Variants in PPL observed in about 807,000 individuals in gnomAD.
The protein encoded by PPL is periplakin.
PPL carries 198 observed loss-of-function variants against 194.4 expected under a neutral mutation model. That is an observed-to-expected ratio of 1.02 (90% CI 0.91 to 1.15). The LOEUF (loss-of-function observed/expected upper bound fraction) is 1.15, where lower values mean the gene tolerates loss of function less well. Among genes scored for constraint, PPL ranks in the 50% most tolerant of loss-of-function variants. The pLI, the probability that PPL is intolerant of heterozygous loss-of-function variation, is 0.00. For synonymous variants in PPL, 1,220 were observed against 972.4 expected (o/e 1.25, Z -4.74); for missense variants, 2,885 against 2,294.8 (o/e 1.26, Z -5.25).
rs2088156606 is a variant in PPL at position 4,883,972 on chromosome 16, C to G, written c.4683G>C (p.Leu1561=). The G allele has an allele frequency of 1.9e-6, 3 of 1,614,142 alleles. No individual in the cohort carries two copies. The highest frequency in any genetic ancestry group is 2.7e-5 in the African/African-American group (2 of 75,062). The part of the protein sequence containing the change: ...NSKSSKELDF[L]REENHKLQLE... ...GCTGTAATTTGTGGTTCTCTTCCCT[C>G]AGAAAGTCTAGTTCCTTGGATGACT... Residue 1561 remains leucine (L), a synonymous_variant, in exon 22 of 22, where the codon CTG becomes CTC. Transcript: ENST00000345988. This position sits in a 1 kb window ranked among gnomAD's most constrained non-coding sequence, Gnocchi z 4.8.
rs778808149 is a variant in PPL, at chr16:4,910,842, G to A, written c.162+8C>T. On this transcript the variant is annotated splice_region_variant and intron_variant, in intron 2 of 21. Coordinates refer to ENST00000345988, the MANE Select transcript of PPL (RefSeq NM_002705.5). ...CACCCAGGTGGGAGTGGGAGTGGGGGCACTCACACTCTGCATCTTGGCCTC... is the reference window on the plus strand; with the variant it reads ...CACCCAGGTGGGAGTGGGAGTGGGGACACTCACACTCTGCATCTTGGCCTC... 15 of 1,608,826 alleles carry A rather than the reference G, an allele frequency of 9.3e-6. No individual in the cohort carries two copies. The Middle Eastern group carries it at 4.9e-4, about 53-fold the overall frequency.
chr16:4,926,967 C>T (rs1422785646), intron 1 of PPL, among the ~76,000 whole-genome samples: 3 of 151,202 alleles, frequency 2.0e-5, no homozygotes, highest in Non-Finnish European at 4.4e-5. Context: ...CCATTTAGGC[C>T]TTATAATCTA....
In PPL at chr16:4,882,662, G is replaced by A. The variant is rs1252935628; in HGVS notation, c.*722C>T. 3 of 152,268 alleles carry A rather than the reference G, an allele frequency of 2.0e-5. No homozygotes were observed. The highest frequency in any genetic ancestry group is 4.4e-5 in the Non-Finnish European group (3 of 68,072). 9.4% of individuals were successfully genotyped at this position (152,268 alleles called of 1,614,324 possible). On this transcript the variant is annotated 3_prime_UTR_variant, in exon 22 of 22. Transcript: ENST00000345988. ...GTTTTGTATACCTAAATACCAGTGA[G>A]ATAATAAGCGAGACTTGTAAAGCAC...
intron 1 of PPL, among the ~76,000 whole-genome samples, chr16:4,917,805 G>C (rs1023362345): frequency 6.6e-6 from 1 of 152,102 alleles, no homozygotes; most frequent in African/African-American, 2.4e-5. Flanking sequence ...GGGAGGCTGA[G>C]GTAGGAGGAT....
Position 4,893,317 on chromosome 16 carries a change from T to G in PPL, c.1546A>C (p.Ser516Arg). Residue 516 changes from serine to arginine, a missense_variant, in exon 14 of 22, where the codon AGC becomes CGC. Ser to Arg is a moderately radical substitution (Grantham distance 110). Transcript: ENST00000345988. ...GCCTTCTCCTGCCGGTCCAGGTCGC[T>G]GGCCACCTTGTCCAAGCCAGCCAGC... ...QLLAGLDKVA[S>R]DLDRQEKAIT... 1 of 1,608,346 alleles carries G rather than the reference T, an allele frequency of 6.2e-7. No individual in the cohort carries two copies. The highest frequency in any genetic ancestry group is 1.1e-5 in the South Asian group (1 of 90,778).
At chr16:4,889,439 AGTAGAGATTTGGTTTCATTAT>A (rs2088280955) in intron 18 of PPL, among the ~76,000 whole-genome samples, 1 of 150,274 alleles carries the variant, frequency 6.7e-6, no homozygotes, top group Non-Finnish European at 1.5e-5. Context: ...TTGTATTTTT[AGTAGAGATTTGGTTTCATTAT>A]GTTGGCCAGG....
rs770316631 is a variant in PPL, at chr16:4,899,285, G to A, written c.706C>T (p.Arg236Cys). ...LYWLDQQAKG[R>C]MQYDWSDRNL... ...CGGTCACTCCAGTCGTACTGCATGC[G>A]GCCCTTGGCCTGCTGGTCCAGCCAG... Residue 236 changes from arginine to cysteine, a missense_variant, in exon 7 of 22, where the codon CGC becomes TGC. Physicochemically the swap from Arg to Cys is radical, Grantham distance 180. Coordinates refer to ENST00000345988, the MANE Select transcript of PPL (RefSeq NM_002705.5). 5.6e-6 allele frequency: 9 copies of A among 1,613,658 alleles called. No individual in the cohort carries two copies. The highest frequency in any genetic ancestry group is 1.3e-5 in the African/African-American group (1 of 74,922).
intron 18 of PPL, among the ~76,000 whole-genome samples, chr16:4,889,856 A>G (rs2088286596): frequency 1.3e-5 from 2 of 152,206 alleles, no homozygotes; most frequent in Admixed American, 1.3e-4. Context: ...GGGAGGCAGG[A>G]GTCCCAACTT....
rs188737309 is a variant in PPL at position 4,901,381 on chromosome 16, G to A, written c.439-292C>T. On this transcript the variant is annotated intron_variant, in intron 4 of 21. Transcript: ENST00000345988. ...AATGAGGGCCAGTCACCTGCCCAGG[G>A]TCACGCCAGTAACATTGGGAAAGCT... Among the ~76,000 whole-genome samples the A allele has an allele frequency of 2.9e-3, 444 of 152,274 alleles. 2 individuals carry two copies. The highest frequency in any genetic ancestry group is 0.01 in the African/African-American group (418 of 41,564).
chr16:4,885,638 T>A lies in PPL; in HGVS notation c.3017A>T (p.Gln1006Leu), dbSNP rs2088203554. 1.9e-6 allele frequency: 3 copies of A among 1,613,044 alleles called. No homozygotes were observed. Among genetic ancestry groups the A allele is most frequent in the Non-Finnish European group, 2.5e-6 (3 of 1,179,732 alleles). The change falls in exon 22 of 22, where the codon CAG becomes CTG. Residue 1006 changes from glutamine (Q) to leucine (L), a missense_variant. Transcript: ENST00000345988. This position sits in a 1 kb window ranked among gnomAD's most constrained non-coding sequence, Gnocchi z 6.3. ...EVLRIEPDRA[Q>L]ADEVLQLREE... is the part of the protein sequence containing the mutation. ...CCGCAGCTGCAAGACCTCATCCGCC[T>A]GGGCCCTGTCAGGCTCGATGCGCAG... is the stretch of plus-strand genomic sequence containing the variant.
chr16:4,885,780 C>A lies in PPL; in HGVS notation c.2875G>T (p.Glu959Ter). Reference sequence around the variant, plus strand: ...AGCAGCTGGTTCTTGTGCTGCTCCTCTGCCAGCGTCCGCTGCAGCTGCTGG... The same window carrying A: ...AGCAGCTGGTTCTTGTGCTGCTCCTATGCCAGCGTCCGCTGCAGCTGCTGG... ...SFQQLQRTLA[E>*]EQHKNQLLQE... Residue 959 changes from glutamate to a stop codon, truncating the protein, a stop_gained, in exon 22 of 22, where the codon GAG becomes TAG. Transcript: ENST00000345988. LOFTEE classifies it high-confidence loss of function. This position sits in a 1 kb window ranked among gnomAD's most constrained non-coding sequence, Gnocchi z 6.3. The A allele has an allele frequency of 6.2e-7, 1 of 1,610,782 alleles. No individual in the cohort carries two copies.
intron 9 of PPL, among the ~76,000 whole-genome samples, chr16:4,896,522 G>A (rs975593010): frequency 2.0e-5 from 3 of 152,022 alleles, no homozygotes; most frequent in South Asian, 2.1e-4. Flanking sequence ...CTTCATATTC[G>A]TTCTAGGTGT....
At chr16:4,929,935 G>C (rs754753434) in intron 1 of PPL, among the ~76,000 whole-genome samples, 4 of 150,764 alleles carry the variant, frequency 2.7e-5, no homozygotes, top group Non-Finnish European at 4.4e-5. Flanking sequence ...TCATCCTCCC[G>C]CCTTGGCCTC....
At chr16:4,894,780 T>G (rs183731960) in intron 11 of PPL, among the ~76,000 whole-genome samples, 162 bp from the exon 12 acceptor site, 1 of 152,240 alleles carries the variant, frequency 6.6e-6, no homozygotes, top group Non-Finnish European at 1.5e-5. Context: ...GCACATGTGT[T>G]GAGGCTGCCG....
intron 8 of PPL, among the ~76,000 whole-genome samples, chr16:4,898,297 G>C (rs1388542784): frequency 6.6e-6 from 1 of 152,192 alleles, no homozygotes; most frequent in Non-Finnish European, 1.5e-5. Context: ...AGAATTGCTT[G>C]AACCCGGGAG....
intron 6 of PPL, among the ~76,000 whole-genome samples, chr16:4,899,607 A>C (rs7193783): frequency 0.61 from 92,558 of 152,004 alleles, 28,526 homozygotes; most frequent in East Asian, 0.67. Context: ...TCATTCAGTA[A>C]ATGTTTACTG....
intron 18 of PPL, among the ~76,000 whole-genome samples, chr16:4,889,415 C>A (rs1241293338): frequency 6.8e-6 from 1 of 146,448 alleles, no homozygotes; most frequent in Non-Finnish European, 1.5e-5. Flanking sequence ...CCACCATACC[C>A]AGCTAATTTT....
intron 1 of PPL, among the ~76,000 whole-genome samples, chr16:4,923,010 G>A (rs952387071): frequency 2.6e-5 from 4 of 152,186 alleles, no homozygotes; most frequent in Admixed American, 6.5e-5. Context: ...CGCACAGCCC[G>A]CTTCAGCTGT....
rs779178091 is a variant in PPL at position 4,903,957 on chromosome 16, G to A, written c.246C>T (p.Leu82=). 1.2e-6 allele frequency: 2 copies of A among 1,614,082 alleles called. No individual in the cohort carries two copies. The highest frequency in any genetic ancestry group is 2.2e-5 in the East Asian group (1 of 44,880). Residue 82 remains leucine (L), a synonymous_variant, in exon 3 of 22, where the codon CTC becomes CTT. Coordinates refer to ENST00000345988, the MANE Select transcript of PPL (RefSeq NM_002705.5). ...LQKVLDSEKL[L]YVLEADAAIA... Reference sequence around the variant, plus strand: ...TGGCCGCATCCGCCTCTAGCACATAGAGCAGCTTCTCAGAGTCCAACACCT... The same window carrying A: ...TGGCCGCATCCGCCTCTAGCACATAAAGCAGCTTCTCAGAGTCCAACACCT...
Sources: gnomAD v4.1 joint callset for allele counts (sites outside exome capture counted in the v4.1 genomes callset) on GRCh38, gnomAD v4.1.1 for gene constraint, Gnocchi (gnomAD v3.1) non-coding constraint, MANE v1.5 for transcripts, NCBI Gene and HGNC (gene_info 2026-07-23, HGNC 2026-07-21) for gene names.